The following GSE1 variants were observed in gnomAD, a reference collection of about 807,000 sequenced individuals.
GSE1 encodes genetic suppressor element 1.
GSE1 carries 32 observed loss-of-function variants against 112.6 expected under a neutral mutation model. The ratio of observed to expected loss-of-function variants is 0.28; its 90% CI spans 0.21 to 0.38. GSE1 has a LOEUF of 0.38. Among genes scored for constraint, GSE1 ranks in the 10% least tolerant of loss-of-function variants. The pLI is 1.00. For missense variants in GSE1, 2,348 were observed against 1,699.2 expected, an observed-to-expected ratio of 1.38 and a Z score of -6.71; for synonymous variants, 1,115 against 735.6, an observed-to-expected ratio of 1.52 and a Z score of -8.35.
chr16:85,572,332 C>G (rs1377648199), intron 1 of GSE1, among the ~76,000 whole-genome samples: 1 of 146,166 alleles, frequency 6.8e-6, no homozygotes, highest in African/African-American at 2.6e-5. Flanking sequence ...ACCACACACA[C>G]CACATACCCC....
intron 2 of GSE1, among the ~76,000 whole-genome samples, chr16:85,508,126 C>T (rs919857193): frequency 2.6e-5 from 4 of 152,294 alleles, no homozygotes; most frequent in South Asian, 2.1e-4. Flanking sequence ...TGTCCGTCCT[C>T]GGGTTCAAGT....
At chr16:85,353,411 G>A (rs543880341) in intron 1 of GSE1, among the ~76,000 whole-genome samples, 22 of 152,276 alleles carry the variant, frequency 1.4e-4, no homozygotes, top group Admixed American at 1.2e-3. Context: ...ATGTTAGACC[G>A]TTTGATGGAC....
At chr16:85,361,194 C>T (rs1403072984) in intron 2 of GSE1, among the ~76,000 whole-genome samples, 1 of 135,286 alleles carries the variant, frequency 7.4e-6, no homozygotes, top group Non-Finnish European at 1.6e-5. Flanking sequence ...AGGCACAGAC[C>T]CCCCACACAC....
chr16:85,214,252 C>G (rs4545808), intron 1 of GSE1, among the ~76,000 whole-genome samples: 57,574 of 150,924 alleles, frequency 0.38, 10,911 homozygotes, highest in South Asian at 0.47. Context: ...GGCCCCCCCA[C>G]CCAGATTCTT....
chr16:85,332,498 G>A (rs1296956923), intron 1 of GSE1, among the ~76,000 whole-genome samples: 1 of 152,136 alleles, frequency 6.6e-6, no homozygotes, highest in African/African-American at 2.4e-5. Context: ...GTCACACAGC[G>A]GGATCCATAG....
chr16:85,572,339 C>T (rs895020548), intron 1 of GSE1, among the ~76,000 whole-genome samples: 1 of 146,824 alleles, frequency 6.8e-6, no homozygotes, highest in Non-Finnish European at 1.5e-5. Flanking sequence ...ACACCACATA[C>T]CCCTCCACAC....
chr16:85,338,070 G>T (rs1345440044), intron 1 of GSE1, among the ~76,000 whole-genome samples: 1 of 152,228 alleles, frequency 6.6e-6, no homozygotes, highest in Non-Finnish European at 1.5e-5. Context: ...TGCTGGACCT[G>T]TGGGTGCTGG....
At chr16:85,484,004 C>T (rs1200280021) in intron 2 of GSE1, among the ~76,000 whole-genome samples, 1 of 152,196 alleles carries the variant, frequency 6.6e-6, no homozygotes, top group East Asian at 1.9e-4. Context: ...GAGGTGCGTC[C>T]CTGTTTTCCA....
chr16:85,475,260 G>A (rs900083108), intron 2 of GSE1, among the ~76,000 whole-genome samples: 2 of 152,204 alleles, frequency 1.3e-5, no homozygotes, highest in African/African-American at 2.4e-5. Flanking sequence ...GGGGAGGGAC[G>A]CTTTGCAGAG....
intron 2 of GSE1, among the ~76,000 whole-genome samples, chr16:85,642,194 C>T (rs1049017027): frequency 6.6e-6 from 1 of 152,214 alleles, no homozygotes; most frequent in African/African-American, 2.4e-5. Flanking sequence ...TGCCTATAGT[C>T]CCAGCTGCTC....
chr16:85,331,604 T>C (rs2046364379), intron 1 of GSE1, among the ~76,000 whole-genome samples: 2 of 134,778 alleles, frequency 1.5e-5, no homozygotes, highest in Non-Finnish European at 3.3e-5. Context: ...TATATGTGTA[T>C]TTGTGTATAT....
chr16:85,391,273 C>G (rs1027609190), intron 2 of GSE1, among the ~76,000 whole-genome samples: 32 of 152,260 alleles, frequency 2.1e-4, no homozygotes, highest in Non-Finnish European at 1.0e-4. Context: ...CCCACGCACC[C>G]ACCCGAAGAA....
chr16:85,617,984 C>G (rs1384148694), intron 1 of GSE1, among the ~76,000 whole-genome samples: 1 of 152,150 alleles, frequency 6.6e-6, no homozygotes, highest in Non-Finnish European at 1.5e-5. Flanking sequence ...TGTGTTAACC[C>G]CAGGCAGAAT....
intron 1 of GSE1, among the ~76,000 whole-genome samples, chr16:85,597,328 C>T (rs2047273067): frequency 1.4e-5 from 2 of 139,032 alleles, no homozygotes; most frequent in Admixed American, 7.6e-5. Flanking sequence ...GAGCTGAGAT[C>T]GTCCCACTGC....
intron 2 of GSE1, among the ~76,000 whole-genome samples, chr16:85,443,982 C>T (rs78202176): frequency 6.4e-5 from 5 of 77,632 alleles, no homozygotes; most frequent in African/African-American, 1.1e-4. Context: ...CAAGGGGGCG[C>T]TTTTTTTTTT....
chr16:85,636,829 A>C (rs188175011), intron 2 of GSE1, among the ~76,000 whole-genome samples: 1 of 152,116 alleles, frequency 6.6e-6, no homozygotes, highest in Non-Finnish European at 1.5e-5. Context: ...AAAAGGGTCT[A>C]TGCCTGGCTG....
intron 1 of GSE1, among the ~76,000 whole-genome samples, chr16:85,353,145 GA>G (rs2046883452): frequency 6.6e-6 from 1 of 152,204 alleles, no homozygotes; most frequent in Admixed American, 6.5e-5. Context: ...GTCTCAGATG[GA>G]GGCTCAACCG....
upstream of GSE1, among the ~76,000 whole-genome samples, chr16:85,554,515 G>C (rs2045098880): frequency 6.6e-6 from 1 of 152,124 alleles, no homozygotes; most frequent in African/African-American, 2.4e-5. Context: ...GGAGAGTGTG[G>C]GAGATGCTAT....
At chr16:85,269,833 G>A (rs1908652466) in intron 1 of GSE1, among the ~76,000 whole-genome samples, 1 of 149,408 alleles carries the variant, frequency 6.7e-6, no homozygotes, top group African/African-American at 2.4e-5. Flanking sequence ...TGGCACCGTA[G>A]GTGGGATGCC....
Sources: gnomAD v4.1 joint callset for allele counts (sites outside exome capture counted in the v4.1 genomes callset) on GRCh38, gnomAD v4.1.1 for gene constraint, MANE v1.5 for transcripts, NCBI Gene and HGNC (gene_info 2026-07-23, HGNC 2026-07-21) for gene names.